The following FLG variants were observed in gnomAD, a reference collection of about 807,000 sequenced individuals.
The protein encoded by FLG is filaggrin.
A neutral mutation model predicts 3.8 loss-of-function variants in FLG; 6 were observed. The observed-to-expected ratio is 1.60, with a 90% CI of 0.87 to 3.15. FLG has a LOEUF of 3.15. FLG is among the 30% of genes most tolerant of loss of function. FLG has a pLI of 0.00. For synonymous variants in FLG, 2,551 were observed against 1,931.6 expected (o/e 1.32, Z -8.41); for missense variants, 7,595 against 5,050.9 (o/e 1.50, Z -15.27).
At position 152,311,206 on chromosome 1, in the gene FLG, C is replaced by T. The variant is rs767345769; in HGVS notation, c.3680G>A (p.Gly1227Glu). 1.9e-6 allele frequency: 3 copies of T among 1,613,768 alleles called. No individual in the cohort carries two copies. The highest frequency in any genetic ancestry group is 2.2e-5 in the East Asian group (1 of 44,814). The change falls in exon 3 of 3, where the codon GGA (glycine) becomes GAA (glutamate). Residue 1227 changes from glycine (G) to glutamate (E), a missense_variant. Physicochemically the swap from Gly to Glu is moderately conservative, Grantham distance 98. Transcript: ENST00000368799. ...SRQTRKDKQS[G>E]DGSRHSGSRH... ...TGACCCTGAGTGCCTGGAGCCGTCT[C>T]CTGATTGTTTGTCCTTACGAGTTTG... is the stretch of plus-strand genomic sequence containing the variant.
Position 152,303,820 on chromosome 1 carries a change from T to G in FLG, c.11066A>C (p.Gln3689Pro). The G allele has an allele frequency of 1.2e-6, 2 of 1,613,464 alleles. No individual in the cohort carries two copies. The highest frequency in any genetic ancestry group is 1.7e-6 in the Non-Finnish European group (2 of 1,179,802). The change falls in exon 3 of 3, where the codon CAG (glutamine) becomes CCG (proline). Residue 3689 changes from glutamine (Q) to proline (P), a missense_variant. Coordinates refer to ENST00000368799, the MANE Select transcript of FLG (RefSeq NM_002016.2). ...ACGTGTGGACTCTTGGTGGCTCTGC[T>G]GATGGGGCCCAGCCTGTCCGTGGGC... ...VSAHGQAGPH[Q>P]QSHQESTRGR...
chr1:152,304,286 T>C lies in FLG; in HGVS notation c.10600A>G (p.Asn3534Asp). ...GQSAGPRTSR[N>D]QGSSVSQDSD... ...TCCTGGCTAACACTGGATCCCTGGT[T>C]CCTGCTTGTCCTGGGCCCCGCTGAT... Residue 3534 changes from asparagine (N) to aspartate (D), a missense_variant, in exon 3 of 3, where the codon AAC (asparagine) becomes GAC (aspartate). Physicochemically the swap from Asn to Asp is conservative, Grantham distance 23 (BLOSUM62 1). Transcript: ENST00000368799. 6.5e-7 allele frequency: 1 copy of C among 1,536,092 alleles called. No homozygotes were observed. The highest frequency in any genetic ancestry group is 1.2e-5 in the South Asian group (1 of 86,556).
rs527781212 is a variant in FLG, at chr1:152,304,352, G to C, written c.10534C>G (p.Gln3512Glu). 5 of 1,611,466 alleles carry C rather than the reference G, an allele frequency of 3.1e-6. No individual in the cohort carries two copies. In the Admixed American group the frequency reaches 8.4e-5, roughly 27 times the overall value. The change falls in exon 3 of 3, where the codon CAG becomes GAG. Residue 3512 changes from glutamine (Q) to glutamate (E), a missense_variant. Physicochemically the swap from Gln to Glu is conservative, Grantham distance 29. Coordinates refer to ENST00000368799, the MANE Select transcript of FLG (RefSeq NM_002016.2). ...SWSHHHEAST[Q>E]ADSSRHSQSG... ...TGTGAGTGTCTAGAGCTGTCCGCCT[G>C]AGTGGAAGCTTCATGGTGATGCGAC... is the stretch of plus-strand genomic sequence containing the variant.
chr1:152,325,107 C>T (rs1175575286), intron 1 of FLG, 82 bp downstream of exon 1: 1 of 151,830 alleles, frequency 6.6e-6, no homozygotes, highest in Non-Finnish European at 1.5e-5. Context: ...CTTCCAGAAC[C>T]TTTTGCCTTA....
Position 152,310,441 on chromosome 1 carries a change from G to C in FLG, c.4445C>G (p.Ser1482Cys), listed in dbSNP as rs11204978. The C allele has an allele frequency of 1.2e-6, 2 of 1,613,222 alleles. No individual in the cohort carries two copies. The highest frequency in any genetic ancestry group is 8.5e-7 in the Non-Finnish European group (1 of 1,179,774). ...QARNSSRHSA[S>C]QDGQDTIRGH... ...ACGAATGGTGTCCTGACCGTCTTGG[G>C]ATGCTGAGTGCCTAGAGCTGTTTCG... The change falls in exon 3 of 3, where the codon TCC (serine) becomes TGC (cysteine). Residue 1482 changes from serine to cysteine, a missense_variant. By Grantham distance (112) the Ser-to-Cys change is moderately radical. Transcript: ENST00000368799.
chr1:152,313,157 A>C lies in FLG; in HGVS notation c.1729T>G (p.Ser577Ala). The change falls in exon 3 of 3, where the codon TCA (serine) becomes GCA (alanine). Residue 577 changes from serine (S) to alanine (A), a missense_variant. Coordinates refer to ENST00000368799, the MANE Select transcript of FLG (RefSeq NM_002016.2). ...CCTGAGTGCCTGGTGCCGTCTCCTG[A>C]TTGTTCCTCATTTCGTGTTTGTCTG... ...ASRQTRNEEQ[S>A]GDGTRHSGSR... is the part of the protein sequence containing the mutation. The C allele has an allele frequency of 6.2e-7, 1 of 1,613,268 alleles. No homozygotes were observed. The highest frequency in any genetic ancestry group is 8.5e-7 in the Non-Finnish European group (1 of 1,179,862).
rs138143041 is a variant in FLG at position 152,307,199 on chromosome 1, A to C, written c.7687T>G (p.Trp2563Gly). 11 of 1,611,422 alleles carry C rather than the reference A, an allele frequency of 6.8e-6. 2 individuals carry two copies. The South Asian group carries it at 1.1e-4, about 16-fold the overall frequency. Reference sequence around the variant, plus strand: ...CTGTCCTGGCTAAAACTGGATCCCCAGTTCCTGCTTGTCCTGGGCCCCTCT... The same window carrying C: ...CTGTCCTGGCTAAAACTGGATCCCCCGTTCCTGCTTGTCCTGGGCCCCTCT... ...QSEGPRTSRNWGSSFSQDSDS... is the reference protein window; with the variant it reads ...QSEGPRTSRNGGSSFSQDSDS... The change falls in exon 3 of 3, where the codon TGG (tryptophan) becomes GGG (glycine). Residue 2563 changes from tryptophan (W) to glycine (G), a missense_variant. Physicochemically the swap from Trp to Gly is radical, Grantham distance 184. Transcript: ENST00000368799.
chr1:152,324,654 T>C (rs949907681), intron 1 of FLG, among the ~76,000 whole-genome samples: 2 of 151,962 alleles, frequency 1.3e-5, no homozygotes, highest in Admixed American at 1.3e-4. Context: ...TCTTAAAACA[T>C]TACGAGTTTT....
chr1:152,303,301 C>T lies in FLG; in HGVS notation c.11585G>A (p.Ser3862Asn). The T allele has an allele frequency of 6.2e-7, 1 of 1,614,150 alleles. No homozygotes were observed. The highest frequency in any genetic ancestry group is 1.3e-5 in the African/African-American group (1 of 75,032). Residue 3862 changes from serine (S) to asparagine (N), a missense_variant, in exon 3 of 3, where the codon AGT becomes AAT. Coordinates refer to ENST00000368799, the MANE Select transcript of FLG (RefSeq NM_002016.2). ...CTCACTGTCACTGTCCTGGCTAACA[C>T]TGGATCCCTGGCGCCTGCTTCTCCT... ...GSRRSRRQGS[S>N]VSQDSDSEAY...
chr1:152,313,589 C>G lies in FLG; in HGVS notation c.1297G>C (p.Asp433His), dbSNP rs374461110. The stretch of plus-strand genomic sequence containing the variant: ...CCGTGGCCTGACACTGATTGTGTGT[C>G]TGAGTTTTCTGAATGTCCCTCACTG... ...SDSEGHSENS[D>H]TQSVSGHGKA... Residue 433 changes from aspartate to histidine, a missense_variant, in exon 3 of 3, where the codon GAC becomes CAC. By Grantham distance (81) the Asp-to-His change is moderately conservative. Transcript: ENST00000368799. 1.8e-5 allele frequency: 29 copies of G among 1,613,836 alleles called. 1 individual carries two copies. In the East Asian group the frequency reaches 6.2e-4, roughly 35 times the overall value.
Position 152,312,792 on chromosome 1 carries a change from T to C in FLG, c.2094A>G (p.Glu698=), listed in dbSNP as rs1328888955. The C allele has an allele frequency of 1.2e-6, 2 of 1,614,052 alleles. No individual in the cohort carries two copies. Among genetic ancestry groups the C allele is most frequent in the Non-Finnish European group, 1.7e-6 (2 of 1,180,012 alleles). ...TTTCTCCTGCACTTGATCTTGCCTG[T>C]TCATGGGATGACGCAGCCTGTCCAC... ...SSSGQAASSH[E]QARSSAGERH... Residue 698 remains glutamate, a synonymous_variant, in exon 3 of 3, where the codon GAA becomes GAG. Transcript: ENST00000368799.
chr1:152,311,293 G>T lies in FLG; in HGVS notation c.3593C>A (p.Thr1198Asn). The T allele has an allele frequency of 2.5e-6, 4 of 1,613,852 alleles. No individual in the cohort carries two copies. Among genetic ancestry groups the T allele is most frequent in the Non-Finnish European group, 3.4e-6 (4 of 1,179,968 alleles). Residue 1198 changes from threonine (T) to asparagine (N), a missense_variant, in exon 3 of 3, where the codon ACC (threonine) becomes AAC (asparagine). Physicochemically the swap from Thr to Asn is moderately conservative, Grantham distance 65. Transcript: ENST00000368799. ...SGHSGSHHSHTTSQGRSDASH... is the reference protein window; with the variant it reads ...SGHSGSHHSHNTSQGRSDASH... ...GGCATCAGACCTTCCCTGGGATGTG[G>T]TGTGGCTGTGATGGGACCCTGAGTG...
rs371128626 is a variant in FLG at position 152,303,772 on chromosome 1, C to A, written c.11114G>T (p.Gly3705Val). The change falls in exon 3 of 3, where the codon GGA (glycine) becomes GTA (valine). Residue 3705 changes from glycine (G) to valine (V), a missense_variant. Physicochemically the swap from Gly to Val is moderately radical, Grantham distance 109. Transcript: ENST00000368799. Reference sequence around the variant, plus strand: ...CTGGTAGAGGAAAGACCCTGAACGTCCAGACCTTCCTGCTGACCGGCCACG... The same window carrying A: ...CTGGTAGAGGAAAGACCCTGAACGTACAGACCTTCCTGCTGACCGGCCACG... Reference protein sequence around the residue: ...STRGRSAGRSGRSGSFLYQVS... With the variant: ...STRGRSAGRSVRSGSFLYQVS... The A allele has an allele frequency of 2.4e-5, 39 of 1,613,728 alleles. No homozygotes were observed. In the African/African-American group the frequency reaches 4.5e-4, roughly 19 times the overall value.
rs1228768623 is a variant in FLG at position 152,313,113 on chromosome 1, A to C, written c.1773T>G (p.Ala591=). ...TRHSGSRHHE[A]SSQADSSRHS... ...GTCTAGAGCTGTCAGCCTGAGAGGA[A>C]GCTTCATGATGACGTGACCCTGAGT... Residue 591 remains alanine (A), a synonymous_variant, in exon 3 of 3, where the codon GCT becomes GCG. Transcript: ENST00000368799. 2 of 1,613,806 alleles carry C rather than the reference A, an allele frequency of 1.2e-6. No homozygotes were observed. Among genetic ancestry groups the C allele is most frequent in the Middle Eastern group, 1.6e-4 (1 of 6,062 alleles).
In FLG at chr1:152,308,399, G is replaced by A. The variant is rs754971075; in HGVS notation, c.6487C>T (p.His2163Tyr). Residue 2163 changes from histidine to tyrosine, a missense_variant, in exon 3 of 3, where the codon CAC (histidine) becomes TAC (tyrosine). Physicochemically the swap from His to Tyr is moderately conservative, Grantham distance 83 (BLOSUM62 2). Transcript: ENST00000368799. ...GTGTGGCTGTGATGAGACCCTGAGT[G>A]TCCAGACCTATCTACCGATTGCTCT... is the stretch of plus-strand genomic sequence containing the variant. ...HQEQSVDRSG[H>Y]SGSHHSHTTS... 1 of 1,613,794 alleles carries A rather than the reference G, an allele frequency of 6.2e-7. No homozygotes were observed. The highest frequency in any genetic ancestry group is 8.5e-7 in the Non-Finnish European group (1 of 1,179,896).
chr1:152,318,922 A>G (rs1652871575), intron 1 of FLG, among the ~76,000 whole-genome samples: 1 of 151,960 alleles, frequency 6.6e-6, no homozygotes, highest in Non-Finnish European at 1.5e-5. Flanking sequence ...TACTTTAAGG[A>G]AAGGAGGTTT....
At position 152,307,245 on chromosome 1, in the gene FLG, C is replaced by A; in HGVS notation, c.7641G>T (p.Ser2547=). The part of the protein sequence containing the change: ...ASSRADSSGH[S]QVGQGQSEGP... ...CCTCTGATTGTCCCTGGCCCACCTG[C>A]GAGTGTCCAGAGCTGTCGGCCCGAG... The change falls in exon 3 of 3, where the codon TCG becomes TCT. Residue 2547 remains serine (S), a synonymous_variant. Transcript: ENST00000368799. The A allele has an allele frequency of 6.2e-7, 1 of 1,609,830 alleles. No individual in the cohort carries two copies. The highest frequency in any genetic ancestry group is 8.5e-7 in the Non-Finnish European group (1 of 1,179,908).
chr1:152,307,104 A>G lies in FLG; in HGVS notation c.7782T>C (p.Ser2594=). 2 of 1,611,458 alleles carry G rather than the reference A, an allele frequency of 1.2e-6. No homozygotes were observed. The highest frequency in any genetic ancestry group is 1.7e-6 in the Non-Finnish European group (2 of 1,179,812). The change falls in exon 3 of 3, where the codon TCT becomes TCC. Residue 2594 remains serine (S), a synonymous_variant. Transcript: ENST00000368799. ...SGSASRNHHG[S]AQEQLRDGSR... ...AGCCATCTCTTAGCTGCTCCTGAGC[A>G]GATCCATGATGGTTTCTGGAAGCAG...
chr1:152,312,178 C>G lies in FLG; in HGVS notation c.2708G>C (p.Arg903Thr), dbSNP rs769479426. The change falls in exon 3 of 3, where the codon AGA (arginine) becomes ACA (threonine). Residue 903 changes from arginine to threonine, a missense_variant. By Grantham distance (71) the Arg-to-Thr change is moderately conservative. Coordinates refer to ENST00000368799, the MANE Select transcript of FLG (RefSeq NM_002016.2). Reference protein sequence around the residue: ...SRTTRNEEQSRDGSRHSGSRH... With the variant: ...SRTTRNEEQSTDGSRHSGSRH... ...TGACCCTGAGTGCCTGGAGCCGTCT[C>G]TTGATTGTTCCTCATTACGTGTTGT... The G allele has an allele frequency of 1.2e-6, 2 of 1,613,974 alleles. No homozygotes were observed. Among genetic ancestry groups the G allele is most frequent in the South Asian group, 1.1e-5 (1 of 91,058 alleles).
Sources: allele counts gnomAD v4.1 joint callset (sites outside exome capture counted in the v4.1 genomes callset), GRCh38; gene constraint gnomAD v4.1.1; transcripts MANE v1.5; gene names NCBI Gene and HGNC (gene_info 2026-07-23, HGNC 2026-07-21).